UBXN4: variants seen among roughly 807,000 people sequenced by gnomAD.
UBXN4 encodes UBX domain-containing protein 4.
UBXN4 carries 35 observed loss-of-function variants against 66.2 expected under a neutral mutation model. The ratio of observed to expected loss-of-function variants is 0.53; its 90% CI spans 0.40 to 0.70. UBXN4 has a LOEUF of 0.70. Among genes scored for constraint, UBXN4 ranks in the 30% least tolerant of loss-of-function variants. UBXN4 has a pLI of 0.00. For synonymous variants in UBXN4, 203 were observed against 204.5 expected, an observed-to-expected ratio of 0.99 and a Z score of 0.06; for missense variants, 533 against 599.8, an observed-to-expected ratio of 0.89 and a Z score of 1.16.
At chr2:135,746,145 C>G (rs1483465820) in intron 1 of UBXN4, among the ~76,000 whole-genome samples, 1 of 151,988 alleles carries the variant, frequency 6.6e-6, no homozygotes, top group Non-Finnish European at 1.5e-5. Flanking sequence ...CAAAGTGAGC[C>G]ACCGTGCCCG....
In UBXN4 at chr2:135,742,090, G is replaced by T. The variant is rs575401949; in HGVS notation, c.82+79G>T. The T allele has an allele frequency of 6.5e-4, 975 of 1,498,074 alleles. 4 individuals are homozygous for T. The highest frequency in any genetic ancestry group is 7.8e-4 in the Non-Finnish European group (859 of 1,105,430). 92.8% of individuals were successfully genotyped at this position (1,498,074 alleles called of 1,614,324 possible). A position where few individuals can be genotyped will look rare whatever the true frequency, so the allele number is the denominator to read the frequency against. Reference sequence around the variant, plus strand: ...CATCCTCTTGTATACCTCAGCCGCCGGCCCGCCCTCCCCGAGACGCGGGCT... The same window carrying T: ...CATCCTCTTGTATACCTCAGCCGCCTGCCCGCCCTCCCCGAGACGCGGGCT... On this transcript the variant is annotated intron_variant, in intron 1 of 12. Transcript: ENST00000272638.
chr2:135,763,287 G>T (rs552181791), intron 6 of UBXN4, among the ~76,000 whole-genome samples: 1 of 152,230 alleles, frequency 6.6e-6, no homozygotes, highest in Admixed American at 6.5e-5. Context: ...AAGCTCTTGT[G>T]CCCTCAACTA....
chr2:135,770,158 G>C, intron 7 of UBXN4, among the ~76,000 whole-genome samples: 1 of 152,046 alleles, frequency 6.6e-6, no homozygotes, highest in Admixed American at 6.6e-5. Flanking sequence ...ACATTTTGCT[G>C]AATTTTTCCT....
At chr2:135,761,305 A>G (rs983575705) in intron 5 of UBXN4, among the ~76,000 whole-genome samples, 11 of 152,246 alleles carry the variant, frequency 7.2e-5, no homozygotes, top group African/African-American at 2.7e-4. Context: ...GCAGAAGCAG[A>G]TTCCTTGGAC....
chr2:135,745,977 A>C (rs1341410929), intron 1 of UBXN4, among the ~76,000 whole-genome samples: 3 of 138,908 alleles, frequency 2.2e-5, no homozygotes, highest in Non-Finnish European at 3.0e-5. Flanking sequence ...TCCCTGGTTC[A>C]AGCGATTCTC....
chr2:135,770,815 C>T (rs2077378842), intron 8 of UBXN4, 80 bp downstream of exon 8: 1 of 1,266,496 alleles, frequency 7.9e-7, no homozygotes, highest in South Asian at 3.6e-5. Flanking sequence ...ACTGTGCACA[C>T]AAAAATAGAT....
At chr2:135,755,822 CAT>C in intron 5 of UBXN4, 131 bp downstream of exon 5, 1 of 541,406 alleles carries the variant, frequency 1.8e-6, no homozygotes, top group Non-Finnish European at 2.5e-6. Context: ...ATTTAAGAGT[CAT>C]ATTAAATACA....
In UBXN4 at chr2:135,776,836, C is replaced by T. The variant is rs1033956783; in HGVS notation, c.1053+485C>T. Among the ~76,000 whole-genome samples, 44 of 152,202 alleles carry T rather than the reference C, an allele frequency of 2.9e-4. 1 individual carries two copies. The highest frequency in any genetic ancestry group is 1.1e-3 in the African/African-American group (44 of 41,460). ...CTTGAACTCCTGGGCTCAAGCATTC[C>T]TCCCACCTCAGCCTCGCAGTGCGTT... On this transcript the variant is annotated intron_variant, in intron 10 of 12. Coordinates refer to ENST00000272638, the MANE Select transcript of UBXN4 (RefSeq NM_014607.4).
At chr2:135,768,350 C>T (rs1380062267) in intron 6 of UBXN4, among the ~76,000 whole-genome samples, 1 of 151,424 alleles carries the variant, frequency 6.6e-6, no homozygotes, top group Non-Finnish European at 1.5e-5. Flanking sequence ...AGGCGCATGC[C>T]ACCACACCTG....
At chr2:135,774,860 T>G (rs1331425693) in intron 9 of UBXN4, among the ~76,000 whole-genome samples, 1 of 145,160 alleles carries the variant, frequency 6.9e-6, no homozygotes, top group Non-Finnish European at 1.5e-5. Flanking sequence ...AAAAAAAAAA[T>G]GCAAAGAACA....
chr2:135,743,072 G>A (rs908048983), intron 1 of UBXN4, among the ~76,000 whole-genome samples: 3 of 152,150 alleles, frequency 2.0e-5, no homozygotes, highest in African/African-American at 7.2e-5. Context: ...TTGTTAATTT[G>A]AGGTGTATTT....
At chr2:135,754,017 G>A (rs2077263570) in intron 3 of UBXN4, 142 bp from the exon 4 acceptor site, 2 of 632,804 alleles carry the variant, frequency 3.2e-6, no homozygotes, top group Non-Finnish European at 5.5e-6. Flanking sequence ...GTATAATGAT[G>A]CAGTACTTGA....
chr2:135,783,308 A>G lies in UBXN4; in HGVS notation c.*421A>G, dbSNP rs1289697290. ...CAGAGCATTTTAACTAGCCACTCAG[A>G]TGAGAATTTATGTTTAACTTCTCTT... On this transcript the variant is annotated 3_prime_UTR_variant, in exon 13 of 13. Coordinates refer to ENST00000272638, the MANE Select transcript of UBXN4 (RefSeq NM_014607.4). The G allele has an allele frequency of 1.3e-5, 2 of 152,972 alleles. No individual in the cohort carries two copies. Among genetic ancestry groups the G allele is most frequent in the Non-Finnish European group, 2.9e-5 (2 of 68,568 alleles). The allele number at this position is 152,972 out of a possible 1,614,324, so 9.5% of individuals were successfully genotyped here.
chr2:135,753,150 A>T (rs760019117), intron 2 of UBXN4, among the ~76,000 whole-genome samples: 1 of 150,730 alleles, frequency 6.6e-6, no homozygotes, highest in Non-Finnish European at 1.5e-5. Flanking sequence ...CAGCCTCCCA[A>T]GTAGCTGGGA....
At chr2:135,779,501 C>A (rs546902091) in intron 11 of UBXN4, among the ~76,000 whole-genome samples, 1 of 152,244 alleles carries the variant, frequency 6.6e-6, no homozygotes, top group South Asian at 2.1e-4. Flanking sequence ...AGAAAAGAAG[C>A]TCAGACAGCT....
chr2:135,762,990 T>C (rs1575319026), intron 6 of UBXN4, among the ~76,000 whole-genome samples: 1 of 152,334 alleles, frequency 6.6e-6, no homozygotes, highest in Middle Eastern at 3.4e-3. Context: ...TATTTAGTTA[T>C]ACTGGAAAAA....
Position 135,784,815 on chromosome 2 carries a change from G to A in UBXN4, c.*1928G>A, listed in dbSNP as rs564117387. 6.6e-5 allele frequency: 10 copies of A among 151,280 alleles called. No homozygotes were observed. In the East Asian group the frequency reaches 1.6e-3, roughly 24 times the overall value. The allele number at this position is 151,280 out of a possible 1,614,324, so 9.4% of individuals were successfully genotyped here. A position where few individuals can be genotyped will look rare whatever the true frequency, so the allele number is the denominator to read the frequency against. On this transcript the variant is annotated 3_prime_UTR_variant, in exon 13 of 13. Transcript: ENST00000272638. ...AGAAATGTACATAAAAGAATGCTTC[G>A]TAATTTTGGAGTAGGAGGTTCCCTC...
chr2:135,772,392 G>C, intron 8 of UBXN4, 28 bp from the exon 9 acceptor site: 1 of 1,608,742 alleles, frequency 6.2e-7, no homozygotes, highest in Non-Finnish European at 8.5e-7. Flanking sequence ...GGCAGTAAAG[G>C]TAATTGGTAT....
chr2:135,760,174 C>T (rs1400627448), intron 5 of UBXN4, among the ~76,000 whole-genome samples: 1 of 152,100 alleles, frequency 6.6e-6, no homozygotes, highest in African/African-American at 2.4e-5. Context: ...TACAATGGCT[C>T]ATGCCTGTGA....
Sources: gnomAD v4.1 joint callset for allele counts (sites outside exome capture counted in the v4.1 genomes callset) on GRCh38, gnomAD v4.1.1 for gene constraint, MANE v1.5 for transcripts, NCBI Gene and HGNC (gene_info 2026-07-23, HGNC 2026-07-21) for gene names.